Variants in MACROD2 observed in about 807,000 individuals in gnomAD.
MACROD2 encodes mono-ADP ribosylhydrolase 2, also known as ADP-ribose glycohydrolase MACROD2.
Under a neutral mutation model 70.4 loss-of-function variants are expected in MACROD2, and 36 were observed. That is an observed-to-expected ratio of 0.51 (90% CI 0.39 to 0.68). MACROD2 has a LOEUF of 0.68. Among genes scored for constraint, MACROD2 ranks in the 30% least tolerant of loss-of-function variants. The pLI, the probability that MACROD2 is intolerant of heterozygous loss-of-function variation, is 0.00. For missense variants in MACROD2, 496 were observed against 538.4 expected (o/e 0.92, Z 0.78); for synonymous variants, 172 against 178.8 (o/e 0.96, Z 0.30).
intron 3 of MACROD2, among the ~76,000 whole-genome samples, chr20:14,450,437 C>T (rs181128652): frequency 3.9e-5 from 6 of 152,180 alleles, no homozygotes; most frequent in Admixed American, 2.0e-4. Context: ...GAGTGAGAGA[C>T]GCTTATCACC....
At chr20:14,007,941 A>C (rs1416027172) in intron 2 of MACROD2, among the ~76,000 whole-genome samples, 1 of 152,230 alleles carries the variant, frequency 6.6e-6, no homozygotes, top group African/African-American at 2.4e-5. Flanking sequence ...GGTGAAAATT[A>C]TAAAATTATC....
chr20:15,386,190 C>T (rs1168402817), intron 6 of MACROD2, among the ~76,000 whole-genome samples: 1 of 152,154 alleles, frequency 6.6e-6, no homozygotes, highest in Non-Finnish European at 1.5e-5. Flanking sequence ...AAATAGATTA[C>T]ATGTCATGGC....
At chr20:15,173,792 A>G (rs1421322659) in intron 5 of MACROD2, among the ~76,000 whole-genome samples, 2 of 152,184 alleles carry the variant, frequency 1.3e-5, no homozygotes, top group Non-Finnish European at 2.9e-5. Context: ...AAGCACTCAT[A>G]AGGAGTCCTA....
At chr20:14,914,237 G>A (rs1352939343) in intron 5 of MACROD2, among the ~76,000 whole-genome samples, 1 of 152,176 alleles carries the variant, frequency 6.6e-6, no homozygotes, top group African/African-American at 2.4e-5. Context: ...GACACAGAGT[G>A]GAGGACAGCA....
At chr20:15,619,300 C>T (rs750462840) in intron 8 of MACROD2, among the ~76,000 whole-genome samples, 2 of 152,214 alleles carry the variant, frequency 1.3e-5, no homozygotes, top group Non-Finnish European at 2.9e-5. Flanking sequence ...CTATAAACTA[C>T]GTTCTTCCCA....
intron 2 of MACROD2, among the ~76,000 whole-genome samples, chr20:14,037,253 T>C (rs1002525538): frequency 6.6e-6 from 1 of 152,234 alleles, no homozygotes; most frequent in Non-Finnish European, 1.5e-5. Context: ...TTGTAGAATT[T>C]ACTAGTTTTG....
intron 5 of MACROD2, among the ~76,000 whole-genome samples, chr20:14,926,162 G>C (rs1056549503): frequency 1.4e-5 from 2 of 146,258 alleles, no homozygotes; most frequent in South Asian, 4.4e-4. Flanking sequence ...CCTAAATGCA[G>C]AGTTTGTTTG....
chr20:15,929,933 G>A (rs2065549035), intron 10 of MACROD2, among the ~76,000 whole-genome samples: 1 of 152,196 alleles, frequency 6.6e-6, no homozygotes, highest in Admixed American at 6.5e-5. Flanking sequence ...GACACAACCA[G>A]TAGAATTCTC....
At chr20:14,248,152 G>T (rs1050884692) in intron 3 of MACROD2, among the ~76,000 whole-genome samples, 5 of 152,122 alleles carry the variant, frequency 3.3e-5, no homozygotes, top group African/African-American at 4.8e-5. Flanking sequence ...TTGCTTATCA[G>T]TAGCATATAA....
At chr20:14,968,462 C>T (rs79097467) in intron 5 of MACROD2, among the ~76,000 whole-genome samples, 3,351 of 152,214 alleles carry the variant, frequency 0.022, 135 homozygotes, top group African/African-American at 0.075. Flanking sequence ...CAGCTACCAA[C>T]CCAGGGGGTT....
At chr20:15,022,851 A>G (rs2075199243) in intron 5 of MACROD2, 1 of 152,196 alleles carries the variant, frequency 6.6e-6, no homozygotes. Context: ...TATGGTCTCC[A>G]GTGCTTGCTT....
chr20:14,851,327 A>G (rs1484151166), intron 5 of MACROD2, among the ~76,000 whole-genome samples: 4 of 152,140 alleles, frequency 2.6e-5, no homozygotes, highest in Non-Finnish European at 5.9e-5. Context: ...AGATCAGTTT[A>G]GTTGCTAATG....
intron 3 of MACROD2, among the ~76,000 whole-genome samples, chr20:14,261,197 GA>G (rs2082098348): frequency 1.3e-5 from 2 of 151,702 alleles, no homozygotes; most frequent in South Asian, 2.1e-4. Flanking sequence ...AAAATAAAGA[GA>G]AAAAAAGGGG....
intron 7 of MACROD2, among the ~76,000 whole-genome samples, chr20:15,441,446 A>G (rs1248408896): frequency 1.3e-5 from 2 of 152,078 alleles, no homozygotes; most frequent in Admixed American, 1.3e-4. Flanking sequence ...CTGGAAACTT[A>G]GTTTTTCTGG....
chr20:14,231,796 C>A (rs2081815777), intron 3 of MACROD2, among the ~76,000 whole-genome samples: 2 of 152,180 alleles, frequency 1.3e-5, no homozygotes, highest in Admixed American at 6.5e-5. Flanking sequence ...TCCTCTCCAG[C>A]CCCTGTTGTT....
At chr20:16,020,672 T>G (rs1276907220) in intron 15 of MACROD2, among the ~76,000 whole-genome samples, 1 of 150,964 alleles carries the variant, frequency 6.6e-6, no homozygotes, top group Non-Finnish European at 1.5e-5. Flanking sequence ...AATTTATTAT[T>G]AACGAATTCA....
chr20:14,481,631 GAA>G (rs1031932165), intron 3 of MACROD2, among the ~76,000 whole-genome samples: 1 of 152,096 alleles, frequency 6.6e-6, no homozygotes, highest in African/African-American at 2.4e-5. Flanking sequence ...CATCTATTTT[GAA>G]ATAATTTGGG....
intron 3 of MACROD2, among the ~76,000 whole-genome samples, chr20:14,222,212 A>G (rs2081681696): frequency 6.6e-6 from 1 of 152,208 alleles, no homozygotes; most frequent in Non-Finnish European, 1.5e-5. Context: ...AATATTCACA[A>G]TAGCAAAGAT....
intron 6 of MACROD2, among the ~76,000 whole-genome samples, chr20:15,394,083 T>C (rs1312960880): frequency 6.6e-6 from 1 of 152,226 alleles, no homozygotes; most frequent in African/African-American, 2.4e-5. Context: ...AGTGTCATAC[T>C]TACCCTTTTG....
Sources: gnomAD v4.1 joint callset for allele counts (sites outside exome capture counted in the v4.1 genomes callset) on GRCh38, gnomAD v4.1.1 for gene constraint, MANE v1.5 for transcripts, NCBI Gene and HGNC (gene_info 2026-07-23, HGNC 2026-07-21) for gene names.